TMEM163: variants seen among roughly 807,000 people sequenced by gnomAD.
The protein encoded by TMEM163 is transmembrane protein 163.
Under a neutral mutation model 29.3 loss-of-function variants are expected in TMEM163, and 17 were observed. The ratio of observed to expected loss-of-function variants is 0.58; its 90% CI spans 0.40 to 0.87. The LOEUF is 0.87. TMEM163 is among the 40% of genes least tolerant of loss of function. The pLI is 0.00. For missense variants in TMEM163, 303 were observed against 381.5 expected (o/e 0.79, Z 1.71); for synonymous variants, 157 against 160.6 (o/e 0.98, Z 0.17).
intron 2 of TMEM163, among the ~76,000 whole-genome samples, chr2:134,593,184 C>A (rs535808761): frequency 1.3e-5 from 2 of 152,054 alleles, no homozygotes; most frequent in Non-Finnish European, 2.9e-5. Context: ...CTTGAGCTGG[C>A]CTGGAAAGGA....
chr2:134,542,516 C>T (rs945196546), intron 4 of TMEM163, among the ~76,000 whole-genome samples: 4 of 152,188 alleles, frequency 2.6e-5, no homozygotes, highest in African/African-American at 7.2e-5. Context: ...TATAGCCACG[C>T]CCCGTCACTC....
At position 134,489,033 on chromosome 2, in the gene TMEM163, C is replaced by T. The variant is rs79863583; in HGVS notation, c.555+13868G>A. On this transcript the variant is annotated intron_variant, in intron 5 of 7. Coordinates refer to ENST00000281924, the MANE Select transcript of TMEM163 (RefSeq NM_030923.5). Reference sequence around the variant, plus strand: ...CACACCGAAGGGCACTTGGGAAGATCTATAAAATGAAACATGGGCATAGTC... The same window carrying T: ...CACACCGAAGGGCACTTGGGAAGATTTATAAAATGAAACATGGGCATAGTC... 6.1e-3 allele frequency among the ~76,000 whole-genome samples: 933 copies of T among 152,218 alleles called. 50 individuals are homozygous for T. The East Asian group carries it at 0.13, about 21-fold the overall frequency.
intron 2 of TMEM163, among the ~76,000 whole-genome samples, chr2:134,658,971 G>T (rs1351237548): frequency 6.6e-6 from 1 of 152,144 alleles, no homozygotes; most frequent in Non-Finnish European, 1.5e-5. Flanking sequence ...TAACAACAGG[G>T]CTACATTCTG....
At chr2:134,527,811 A>G (rs1574208906) in intron 4 of TMEM163, among the ~76,000 whole-genome samples, 1 of 152,328 alleles carries the variant, frequency 6.6e-6, no homozygotes, top group African/African-American at 2.4e-5. Context: ...AACATACGAA[A>G]ATAATTAGCC....
intron 2 of TMEM163, among the ~76,000 whole-genome samples, chr2:134,700,942 A>AAATAAT (rs1684689135): frequency 1.0e-4 from 12 of 119,354 alleles, no homozygotes; most frequent in East Asian, 2.1e-4. Context: ...AAATAAATAA[A>AAATAAT]TAAATAAAGT....
At position 134,713,234 on chromosome 2, in the gene TMEM163, G is replaced by A. The variant is rs13399359; in HGVS notation, c.288C>T (p.Ile96=). The stretch of plus-strand genomic sequence containing the variant: ...CCACCGCGAGGGCCAGGGTGACAAT[G>A]ATGGAGAACCAGGACACCCACAATG... ...KKALWVSWFS[I]IVTLALAVAA... The change falls in exon 2 of 8, where the codon ATC becomes ATT. Residue 96 remains isoleucine (I), a synonymous_variant. Transcript: ENST00000281924. The A allele has an allele frequency of 0.021, 33,426 of 1,614,168 alleles. 482 individuals carry two copies. Among genetic ancestry groups the A allele is most frequent in the African/African-American group, 0.045 (3,398 of 75,040 alleles).
chr2:134,513,467 C>T (rs1038280873), intron 4 of TMEM163, among the ~76,000 whole-genome samples: 5 of 152,200 alleles, frequency 3.3e-5, no homozygotes, highest in South Asian at 2.1e-4. Context: ...GGTTCCACGA[C>T]GGATCCAGCT....
At chr2:134,544,085 C>T (rs1223687954) in intron 4 of TMEM163, among the ~76,000 whole-genome samples, 1 of 152,206 alleles carries the variant, frequency 6.6e-6, no homozygotes, top group East Asian at 1.9e-4. Context: ...ACAGCCCCAC[C>T]TGTACTGCAA....
chr2:134,615,134 G>A (rs908255844), intron 2 of TMEM163, among the ~76,000 whole-genome samples: 4 of 152,108 alleles, frequency 2.6e-5, no homozygotes, highest in Admixed American at 2.0e-4. Flanking sequence ...AAAAACTATG[G>A]ATGGATTTCA....
At chr2:134,626,531 T>C (rs748318986) in intron 2 of TMEM163, among the ~76,000 whole-genome samples, 4 of 152,162 alleles carry the variant, frequency 2.6e-5, no homozygotes, top group Non-Finnish European at 4.4e-5. Context: ...AAAGGAGCAT[T>C]GTGGTTGCGT....
intron 2 of TMEM163, among the ~76,000 whole-genome samples, chr2:134,709,867 C>G (rs1025247868): frequency 2.0e-5 from 3 of 152,232 alleles, no homozygotes; most frequent in Non-Finnish European, 2.9e-5. Flanking sequence ...AGTCTGCTAC[C>G]TGGAGGCTTC....
At position 134,569,499 on chromosome 2, in the gene TMEM163, A is replaced by G. The variant is rs1337799196; in HGVS notation, c.323-17408T>C. On this transcript the variant is annotated intron_variant, in intron 2 of 7. Coordinates refer to ENST00000281924, the MANE Select transcript of TMEM163 (RefSeq NM_030923.5). ...CTTGGAAAACACATATAAATGAAAC[A>G]CATATGAATGAAGACCCCCTAGCCA... Among the ~76,000 whole-genome samples, 6 of 152,342 alleles carry G rather than the reference A, an allele frequency of 3.9e-5. No individual in the cohort carries two copies. In the East Asian group the frequency reaches 9.6e-4, roughly 24 times the overall value.
intron 5 of TMEM163, among the ~76,000 whole-genome samples, chr2:134,501,818 T>C (rs1232089558): frequency 1.3e-5 from 2 of 152,204 alleles, no homozygotes; most frequent in Non-Finnish European, 2.9e-5. Flanking sequence ...AATAGGTACA[T>C]TCCTATCCCC....
intron 2 of TMEM163, among the ~76,000 whole-genome samples, chr2:134,705,144 A>G (rs1684780589): frequency 6.6e-6 from 1 of 151,414 alleles, no homozygotes; most frequent in African/African-American, 2.4e-5. Flanking sequence ...TGGGAGATGG[A>G]GGTTACAGTG....
chr2:134,685,903 GC>G (rs1336987580), intron 2 of TMEM163, among the ~76,000 whole-genome samples: 1 of 152,138 alleles, frequency 6.6e-6, no homozygotes, highest in East Asian at 1.9e-4. Context: ...ACCCCGAATG[GC>G]CTAAGCAAAA....
chr2:134,641,478 T>C (rs1274831734), intron 2 of TMEM163, among the ~76,000 whole-genome samples: 1 of 152,116 alleles, frequency 6.6e-6, no homozygotes, highest in Non-Finnish European at 1.5e-5. Flanking sequence ...TCAGAGAAAT[T>C]AACCTTTTAA....
intron 2 of TMEM163, among the ~76,000 whole-genome samples, chr2:134,690,381 G>A (rs975846342): frequency 1.3e-5 from 2 of 151,982 alleles, no homozygotes; most frequent in African/African-American, 4.8e-5. Context: ...CACCTCCTGG[G>A]TTCCAGCAAT....
At chr2:134,509,163 A>G (rs1679891972) in intron 4 of TMEM163, among the ~76,000 whole-genome samples, 1 of 152,224 alleles carries the variant, frequency 6.6e-6, no homozygotes, top group Admixed American at 6.5e-5. Flanking sequence ...ATGCTATTCT[A>G]TATGGTAGCC....
intron 2 of TMEM163, among the ~76,000 whole-genome samples, chr2:134,709,162 C>T (rs1684875737): frequency 6.6e-6 from 1 of 152,172 alleles, no homozygotes; most frequent in Admixed American, 6.5e-5. Flanking sequence ...TTTCTAGCTT[C>T]ATTATTAAAA....
Sources: allele counts gnomAD v4.1 joint callset (sites outside exome capture counted in the v4.1 genomes callset), GRCh38; gene constraint gnomAD v4.1.1; transcripts MANE v1.5; gene names NCBI Gene and HGNC (gene_info 2026-07-23, HGNC 2026-07-21).